CHRNB1: variants seen among roughly 807,000 people sequenced by gnomAD.
CHRNB1 encodes cholinergic receptor nicotinic beta 1 subunit.
CHRNB1 carries 47 observed loss-of-function variants against 53.8 expected under a neutral mutation model. The observed-to-expected ratio is 0.87, with a 90% confidence interval of 0.69 to 1.11. CHRNB1 has a LOEUF of 1.11. CHRNB1 is among the 50% of genes most tolerant of loss of function. CHRNB1 has a pLI of 0.00. For synonymous variants in CHRNB1, 259 were observed against 263.5 expected, an observed-to-expected ratio of 0.98 and a Z score of 0.16; for missense variants, 605 against 654.9, an observed-to-expected ratio of 0.92 and a Z score of 0.83.
At position 7,446,835 on chromosome 17, in the gene CHRNB1, G is replaced by C. The variant is rs763342607; in HGVS notation, c.246G>C (p.Glu82Asp). Residue 82 changes from glutamate (E) to aspartate (D), a missense_variant and splice_region_variant, in exon 4 of 11, where the codon GAG becomes GAC. By Grantham distance (45) the Glu-to-Asp change is conservative. Transcript: ENST00000306071. Reference protein sequence around the residue: ...EMSTKVYLDLEWTDYRLSWDP... With the variant: ...EMSTKVYLDLDWTDYRLSWDP... Reference sequence around the variant, plus strand: ...CCCCTCAGCCTCTGCTTCACTAGGAGTGGACTGACTACAGGCTGAGCTGGG... The same window carrying C: ...CCCCTCAGCCTCTGCTTCACTAGGACTGGACTGACTACAGGCTGAGCTGGG... 7 of 1,613,362 alleles carry C rather than the reference G, an allele frequency of 4.3e-6. No individual in the cohort carries two copies. Among genetic ancestry groups the C allele is most frequent in the Non-Finnish European group, 5.1e-6 (6 of 1,179,556 alleles).
At chr17:7,449,520 A>C (rs1166954823) in intron 7 of CHRNB1, among the ~76,000 whole-genome samples, 4 of 140,462 alleles carry the variant, frequency 2.8e-5, no homozygotes, top group South Asian at 2.3e-4. Context: ...CAATCCTCCC[A>C]CCTCAGCCTC....
chr17:7,450,154 T>C (rs1908834158), intron 7 of CHRNB1, among the ~76,000 whole-genome samples: 1 of 151,722 alleles, frequency 6.6e-6, no homozygotes, highest in Non-Finnish European at 1.5e-5. Context: ...AATCTTTTTT[T>C]TTTTTTCGAG....
Position 7,456,789 on chromosome 17 carries a change from C to A in CHRNB1, c.*66C>A. 1 of 1,601,184 alleles carries A rather than the reference C, an allele frequency of 6.2e-7. No homozygotes were observed. Among genetic ancestry groups the A allele is most frequent in the South Asian group, 1.1e-5 (1 of 90,686 alleles). On this transcript the variant is annotated 3_prime_UTR_variant, in exon 11 of 11. Transcript: ENST00000306071. Reference sequence around the variant, plus strand: ...TGAGAGTTTGGTGATACTGTCAAGCCCTATCCTTCTCTGCCTCTTAACTCC... The same window carrying A: ...TGAGAGTTTGGTGATACTGTCAAGCACTATCCTTCTCTGCCTCTTAACTCC...
chr17:7,448,773 C>T lies in CHRNB1; in HGVS notation c.805C>T (p.Leu269=). The change falls in exon 7 of 11, where the codon CTG becomes TTG. Residue 269 remains leucine, a synonymous_variant. Transcript: ENST00000306071. The part of the protein sequence containing the change: ...ITLLAIFVFY[L]PPDAGEKMGL... Reference sequence around the variant, plus strand: ...TCTTCTGGCCATCTTCGTCTTCTACCTGCCACCAGATGCAGGTAATGGGGG... The same window carrying T: ...TCTTCTGGCCATCTTCGTCTTCTACTTGCCACCAGATGCAGGTAATGGGGG... 1.9e-6 allele frequency: 3 copies of T among 1,614,222 alleles called. No homozygotes were observed. Among genetic ancestry groups the T allele is most frequent in the African/African-American group, 1.3e-5 (1 of 75,056 alleles).
At chr17:7,447,358 C>G (rs994428127) in intron 5 of CHRNB1, 145 bp from the exon 6 acceptor site, 2 of 1,020,338 alleles carry the variant, frequency 2.0e-6, no homozygotes, top group Non-Finnish European at 1.5e-6. Flanking sequence ...CCGCCCTCCC[C>G]ATCCCTCCCC....
chr17:7,448,156 G>A (rs985517011), intron 6 of CHRNB1, among the ~76,000 whole-genome samples: 5 of 149,394 alleles, frequency 3.3e-5, no homozygotes, highest in South Asian at 4.2e-4. Flanking sequence ...AGGTGGAGGC[G>A]GGCAAATCAC....
At chr17:7,449,931 C>T (rs1398737006) in intron 7 of CHRNB1, among the ~76,000 whole-genome samples, 2 of 151,428 alleles carry the variant, frequency 1.3e-5, no homozygotes, top group Non-Finnish European at 2.9e-5. Flanking sequence ...GTAGTCCCAG[C>T]TACTTGGGAG....
intron 7 of CHRNB1, among the ~76,000 whole-genome samples, chr17:7,450,241 T>G (rs987330331): frequency 1.3e-5 from 2 of 151,450 alleles, no homozygotes; most frequent in African/African-American, 4.9e-5. Context: ...CCTCCTGGGT[T>G]CAAGCGATTC....
At chr17:7,446,303 T>TTGTGTGTGTGTGTGTG (rs370471983) in intron 3 of CHRNB1, 190 bp downstream of exon 3, 2 of 477,896 alleles carry the variant, frequency 4.2e-6, no homozygotes, top group Non-Finnish European at 3.7e-6. Context: ...AATTCCAATT[T>TTGTGTGTGTGTGTGTG]TGTGTGTGTG....
Position 7,446,942 on chromosome 17 carries a change from A to C in CHRNB1, c.353A>C (p.Asn118Thr). The change falls in exon 4 of 11, where the codon AAC (asparagine) becomes ACC (threonine). Residue 118 changes from asparagine (N) to threonine (T), a missense_variant and splice_region_variant. Transcript: ENST00000306071. ...VWLPDVVLLN[N>T]NDGNFDVALD... ...CTCCCTGACGTGGTGCTACTGAACA[A>C]GTAGGAGAACTTCCAAAGCCCGGGA... 1.3e-6 allele frequency: 2 copies of C among 1,501,276 alleles called. No homozygotes were observed. Among genetic ancestry groups the C allele is most frequent in the Non-Finnish European group, 1.8e-6 (2 of 1,094,594 alleles). 93.0% of individuals were successfully genotyped at this position (1,501,276 alleles called of 1,614,324 possible).
Position 7,456,847 on chromosome 17 carries a change from C to T in CHRNB1, c.*124C>T, listed in dbSNP as rs1159510117. 1.5e-6 allele frequency: 2 copies of T among 1,319,672 alleles called. No homozygotes were observed. The highest frequency in any genetic ancestry group is 4.9e-5 in the East Asian group (2 of 40,496). The allele number at this position is 1,319,672 out of a possible 1,614,324, so 81.7% of individuals were successfully genotyped here. On this transcript the variant is annotated 3_prime_UTR_variant, in exon 11 of 11. Transcript: ENST00000306071. ...GGAATCTGGGCCTCTTATTTCGTTT[C>T]TGGGGACTGCATTGGACTGAGGGCT...
At chr17:7,452,687 A>G (rs1908932624) in intron 7 of CHRNB1, among the ~76,000 whole-genome samples, 1 of 152,122 alleles carries the variant, frequency 6.6e-6, no homozygotes, top group African/African-American at 2.4e-5. Flanking sequence ...CCCTTTCCCT[A>G]GAAATTTCTG....
chr17:7,452,148 C>A (rs539999837), intron 7 of CHRNB1, among the ~76,000 whole-genome samples: 1 of 151,692 alleles, frequency 6.6e-6, no homozygotes, highest in Non-Finnish European at 1.5e-5. Flanking sequence ...CTCCGCCTCC[C>A]GGGTTCAAGC....
In CHRNB1 at chr17:7,445,780, G is replaced by A; in HGVS notation, c.199-289G>A. The A allele has an allele frequency of 1.5e-6, 1 of 646,226 alleles. No homozygotes were observed. The allele number at this position is 646,226 out of a possible 1,614,324, so 40.0% of individuals were successfully genotyped here. ...AAATGGCAGCGGGTGGAGGTTCGGG[G>A]CTGGGTGGATTATGAGCTGAAGGCA... On this transcript the variant is annotated intron_variant, in intron 2 of 10. Coordinates refer to ENST00000306071, the MANE Select transcript of CHRNB1 (RefSeq NM_000747.3). This position sits in a 1 kb window ranked among gnomAD's most constrained non-coding sequence, Gnocchi z 5.7.
rs1163250041 is a variant in CHRNB1, at chr17:7,454,217, G to A, written c.821-80G>A. 6.6e-6 allele frequency: 8 copies of A among 1,213,688 alleles called. No individual in the cohort carries two copies. The Admixed American group carries it at 1.2e-4, about 18-fold the overall frequency. The allele number at this position is 1,213,688 out of a possible 1,614,324, so 75.2% of individuals were successfully genotyped here. ...GTAGAAATCTGTCTTTGAATGGCCTGGAAACATGGTCACTGATTATGCCAT... is the reference window on the plus strand; with the variant it reads ...GTAGAAATCTGTCTTTGAATGGCCTAGAAACATGGTCACTGATTATGCCAT... On this transcript the variant is annotated intron_variant, in intron 7 of 10. Coordinates refer to ENST00000306071, the MANE Select transcript of CHRNB1 (RefSeq NM_000747.3).
At chr17:7,446,651 AT>A (rs1420873911) in intron 3 of CHRNB1, 181 bp from the exon 4 acceptor site, 3 of 608,104 alleles carry the variant, frequency 4.9e-6, no homozygotes, top group Non-Finnish European at 8.8e-6. Flanking sequence ...GGGGAGGGAA[AT>A]TAGCTGATGT....
intron 7 of CHRNB1, among the ~76,000 whole-genome samples, chr17:7,450,064 T>TAAATAAAC (rs1055787619): frequency 2.0e-5 from 3 of 148,534 alleles, no homozygotes; most frequent in African/African-American, 7.4e-5. Context: ...AATAAATAAA[T>TAAATAAAC]AAATAAATAA....
At chr17:7,446,345 G>T (rs183524748) in intron 3 of CHRNB1, 11 of 545,750 alleles carry the variant, frequency 2.0e-5, no homozygotes, top group Non-Finnish European at 3.7e-5. Flanking sequence ...GTGTGTGTGT[G>T]TGTGTGTGTG....
rs1349068545 is a variant in CHRNB1, at chr17:7,456,806, C to T, written c.*83C>T. On this transcript the variant is annotated 3_prime_UTR_variant, in exon 11 of 11. Coordinates refer to ENST00000306071, the MANE Select transcript of CHRNB1 (RefSeq NM_000747.3). The stretch of plus-strand genomic sequence containing the variant: ...TGTCAAGCCCTATCCTTCTCTGCCT[C>T]TTAACTCCTTCACGAGGAATCTGGG... 6.4e-7 allele frequency: 1 copy of T among 1,564,952 alleles called. No individual in the cohort carries two copies. The highest frequency in any genetic ancestry group is 8.8e-7 in the Non-Finnish European group (1 of 1,139,698).
Sources: allele counts gnomAD v4.1 joint callset (sites outside exome capture counted in the v4.1 genomes callset), GRCh38; gene constraint gnomAD v4.1.1; non-coding constraint Gnocchi (gnomAD v3.1); transcripts MANE v1.5; gene names NCBI Gene and HGNC (gene_info 2026-07-23, HGNC 2026-07-21).